The following PTGES3 variants were observed in gnomAD, a reference collection of about 807,000 sequenced individuals.
The protein encoded by PTGES3 is prostaglandin E synthase 3.
A neutral mutation model predicts 29.9 loss-of-function variants in PTGES3; 5 were observed. The observed-to-expected ratio is 0.17, with a 90% CI of 0.09 to 0.35. The LOEUF is 0.35. PTGES3 is among the 10% of genes least tolerant of loss of function. PTGES3 has a pLI of 1.00. For synonymous variants in PTGES3, 49 were observed against 57.8 expected (o/e 0.85, Z 0.69); for missense variants, 128 against 190.0 (o/e 0.67, Z 1.92).
chr12:56,680,543 G>A (rs576112070), intron 1 of PTGES3, among the ~76,000 whole-genome samples: 5 of 151,998 alleles, frequency 3.3e-5, no homozygotes, highest in East Asian at 1.9e-4. Flanking sequence ...GTGCCGTCAG[G>A]CCTAGCAATT....
At chr12:56,668,906 T>C (rs998444470) in intron 5 of PTGES3, among the ~76,000 whole-genome samples, 1 of 152,144 alleles carries the variant, frequency 6.6e-6, no homozygotes, top group Non-Finnish European at 1.5e-5. Context: ...GATGAATCAT[T>C]TATTCTTGGG....
chr12:56,666,726 A>T (rs1951803607), intron 5 of PTGES3, among the ~76,000 whole-genome samples: 2 of 152,128 alleles, frequency 1.3e-5, no homozygotes, highest in South Asian at 4.2e-4. Flanking sequence ...CTCTGGGTTC[A>T]CGCAATTCTC....
chr12:56,680,227 A>G (rs1487752027), intron 1 of PTGES3, among the ~76,000 whole-genome samples: 1 of 151,730 alleles, frequency 6.6e-6, no homozygotes, highest in Non-Finnish European at 1.5e-5. Flanking sequence ...GGCATGCGTC[A>G]CCACACCTAG....
chr12:56,687,492 A>T, intron 1 of PTGES3: 1 of 993,550 alleles, frequency 1.0e-6, no homozygotes, highest in Non-Finnish European at 1.2e-6. Context: ...GTTGCCTAGC[A>T]GTACCTGCAG....
rs771345464 is a variant in PTGES3 at position 56,688,044 on chromosome 12, C to G, written c.-45G>C. The G allele has an allele frequency of 9.3e-6, 14 of 1,501,960 alleles. 1 individual carries two copies. In the Admixed American group the frequency reaches 3.1e-4, roughly 34 times the overall value. 93.0% of individuals were successfully genotyped at this position (1,501,960 alleles called of 1,614,324 possible). On this transcript the variant is annotated 5_prime_UTR_variant, in exon 1 of 8. Transcript: ENST00000262033. ...CGGGCGAACTGGTGGGCGGGCCTCT[C>G]TGGCGGCGGCTGCTGCTAGGGAGTC...
intron 1 of PTGES3, among the ~76,000 whole-genome samples, chr12:56,676,521 T>C (rs986500164): frequency 2.6e-5 from 4 of 152,090 alleles, no homozygotes; most frequent in Admixed American, 2.6e-4. Flanking sequence ...AATTCTTTTA[T>C]CTCCTGGGGA....
chr12:56,676,232 C>G (rs59640919), intron 1 of PTGES3, among the ~76,000 whole-genome samples: 1 of 129,982 alleles, frequency 7.7e-6, no homozygotes, highest in Non-Finnish European at 1.6e-5. Context: ...TCTCCCCCCC[C>G]AAAAAAAAAA....
intron 5 of PTGES3, among the ~76,000 whole-genome samples, chr12:56,667,654 G>A (rs1301721422): frequency 6.6e-6 from 1 of 152,216 alleles, no homozygotes; most frequent in African/African-American, 2.4e-5. Flanking sequence ...AAAATAGAGA[G>A]TAGAATGGTA....
At chr12:56,668,665 T>C (rs868385691) in intron 5 of PTGES3, among the ~76,000 whole-genome samples, 1 of 152,234 alleles carries the variant, frequency 6.6e-6, no homozygotes, top group Non-Finnish European at 1.5e-5. Context: ...GAAATCACCA[T>C]GCCAGAGTCA....
chr12:56,678,455 G>A (rs142750270), intron 1 of PTGES3, among the ~76,000 whole-genome samples: 23 of 152,306 alleles, frequency 1.5e-4, no homozygotes, highest in African/African-American at 5.5e-4. Flanking sequence ...GGAATTACAG[G>A]AGTGAGCCAC....
chr12:56,685,201 T>C (rs1444223005), intron 1 of PTGES3, among the ~76,000 whole-genome samples: 1 of 152,148 alleles, frequency 6.6e-6, no homozygotes, highest in Non-Finnish European at 1.5e-5. Context: ...TTCTTCCACT[T>C]CAAATAACTG....
chr12:56,674,824 T>TAAAA (rs1952154533), intron 1 of PTGES3, among the ~76,000 whole-genome samples: 1 of 6,628 alleles, frequency 1.5e-4, no homozygotes, highest in Admixed American at 3.6e-3. Flanking sequence ...AGACTCCATC[T>TAAAA]CAAAAAAAAA....
Position 56,675,290 on chromosome 12 carries a change from ACT to A in PTGES3, c.3-2227_3-2226del, listed in dbSNP as rs757720515. On this transcript the variant is annotated intron_variant, in intron 1 of 7. Transcript: ENST00000262033. ...ACTCTAGTCTGGGTGACAGAGCAAG[ACT>A]CTGTCTCAAAAAAGAAAAAGAAAAA... Among the ~76,000 whole-genome samples, 12 of 151,590 alleles carry A rather than the reference ACT, an allele frequency of 7.9e-5. 1 individual carries two copies. The highest frequency in any genetic ancestry group is 1.2e-4 in the Non-Finnish European group (8 of 67,916).
Position 56,671,822 on chromosome 12 carries a change from C to T in PTGES3, c.212G>A (p.Arg71Lys), listed in dbSNP as rs1206679521. ...TTTTCGTAAACAACATAAAATTGAT[C>T]TGTCCGTTCTTTTATGCTTGGAATC... ...PNDSKHKRTD[R>K]SILCCLRKGE... Residue 71 changes from arginine (R) to lysine (K), a missense_variant, in exon 4 of 8, where the codon AGA (arginine) becomes AAA (lysine). Coordinates refer to ENST00000262033, the MANE Select transcript of PTGES3 (RefSeq NM_006601.7). 1 of 1,561,602 alleles carries T rather than the reference C, an allele frequency of 6.4e-7. No homozygotes were observed. The highest frequency in any genetic ancestry group is 8.7e-7 in the Non-Finnish European group (1 of 1,151,358).
At chr12:56,674,583 T>C (rs1044228648) in intron 1 of PTGES3, among the ~76,000 whole-genome samples, 1 of 151,812 alleles carries the variant, frequency 6.6e-6, no homozygotes, top group African/African-American at 2.4e-5. Flanking sequence ...TCCCAGCACT[T>C]TGGGAGGCCG....
intron 1 of PTGES3, among the ~76,000 whole-genome samples, chr12:56,675,027 A>AAAAAAAAAT (rs71081385): frequency 1.4e-5 from 2 of 144,264 alleles, no homozygotes; most frequent in African/African-American, 2.6e-5. Flanking sequence ...AAAAAAAAAA[A>AAAAAAAAAT]GTGCTGGTTC....
At chr12:56,679,408 CAAAAAAA>C (rs770485836) in intron 1 of PTGES3, among the ~76,000 whole-genome samples, 9 of 65,104 alleles carry the variant, frequency 1.4e-4, no homozygotes, top group South Asian at 1.6e-3. Context: ...GACTCTGCCT[CAAAAAAA>C]AAAAAAAAAA....
intron 1 of PTGES3, among the ~76,000 whole-genome samples, chr12:56,684,585 A>G (rs905671988): frequency 6.6e-6 from 1 of 152,244 alleles, no homozygotes; most frequent in African/African-American, 2.4e-5. Context: ...ACAACTTCCT[A>G]ATTATATACA....
At chr12:56,675,004 C>CAAAAAA (rs1177350725) in intron 1 of PTGES3, among the ~76,000 whole-genome samples, 2,392 of 32,272 alleles carry the variant, frequency 0.074, 465 homozygotes, top group Non-Finnish European at 0.098. Flanking sequence ...AACTCGGTCT[C>CAAAAAA]AAAAAAAAAA....
Sources: allele counts gnomAD v4.1 joint callset (sites outside exome capture counted in the v4.1 genomes callset), GRCh38; gene constraint gnomAD v4.1.1; transcripts MANE v1.5; gene names NCBI Gene and HGNC (gene_info 2026-07-23, HGNC 2026-07-21).